Variants in KCNU1 observed in about 807,000 individuals in gnomAD.
KCNU1 encodes the protein potassium calcium-activated channel subfamily U member 1, also known as potassium channel subfamily U member 1.
A neutral mutation model predicts 126.8 loss-of-function variants in KCNU1; 93 were observed. The ratio of observed to expected loss-of-function variants is 0.73; its 90% CI spans 0.62 to 0.87. The LOEUF is 0.87. Among genes scored for constraint, KCNU1 ranks in the 40% least tolerant of loss-of-function variants. The probability of loss-of-function intolerance (pLI) is 0.00; values close to 1 mark genes in which losing one functional copy is unlikely to be tolerated. For synonymous variants in KCNU1, 523 were observed against 494.2 expected (o/e 1.06, Z -0.77); for missense variants, 1,330 against 1,367.1 (o/e 0.97, Z 0.43).
chr8:36,805,097 T>C, intron 3 of KCNU1, 98 bp from the exon 4 acceptor site: 1 of 753,078 alleles, frequency 1.3e-6, no homozygotes, highest in Non-Finnish European at 2.2e-6. Flanking sequence ...TCATGGTGAA[T>C]AAAGAAAAAT....
In KCNU1 at chr8:36,835,192, C is replaced by T. The variant is rs139774468; in HGVS notation, c.1295+324C>T. On this transcript the variant is annotated intron_variant, in intron 12 of 26. Transcript: ENST00000399881. ...AGATAGAACCATTATAACTAATATC[C>T]TCTCCTCAAAAATGAAGATGCAATT... is the stretch of plus-strand genomic sequence containing the variant. 4.3e-3 allele frequency among the ~76,000 whole-genome samples: 653 copies of T among 152,198 alleles called. 7 individuals carry two copies. Among genetic ancestry groups the T allele is most frequent in the African/African-American group, 0.015 (615 of 41,520 alleles).
intron 21 of KCNU1, among the ~76,000 whole-genome samples, chr8:36,910,717 G>A (rs539045499): frequency 3.5e-4 from 53 of 152,146 alleles, no homozygotes; most frequent in Admixed American, 3.1e-3. Flanking sequence ...TTGCTTTCAG[G>A]AAAGAATCTA....
intron 19 of KCNU1, among the ~76,000 whole-genome samples, chr8:36,879,211 G>GTGTATATATATA (rs541223094): frequency 5.5e-4 from 56 of 101,754 alleles, no homozygotes; most frequent in African/African-American, 1.5e-3. Flanking sequence ...GTGTGTGTGT[G>GTGTATATATATA]TATATATATA....
intron 19 of KCNU1, among the ~76,000 whole-genome samples, chr8:36,865,773 C>CAAAAAAAAAAA: frequency 1.6e-5 from 1 of 61,384 alleles, no homozygotes; most frequent in Non-Finnish European, 2.7e-5. Context: ...AAGAGCTTGT[C>CAAAAAAAAAAA]AAAAAAAAAA....
intron 1 of KCNU1, among the ~76,000 whole-genome samples, chr8:36,784,814 A>G (rs1343015135): frequency 6.6e-6 from 1 of 152,176 alleles, no homozygotes; most frequent in Non-Finnish European, 1.5e-5. Flanking sequence ...TCTCTCTCCC[A>G]TCACTGGAAA....
At position 36,912,521 on chromosome 8, in the gene KCNU1, T is replaced by G. The variant is rs140384088; in HGVS notation, c.2521+1402T>G. ...CCTACCTCTGCTGAGCAAATCTGAA[T>G]ATTCATAAAAGTGCTGTTTTGTTCT... On this transcript the variant is annotated intron_variant, in intron 22 of 26. Coordinates refer to ENST00000399881, the MANE Select transcript of KCNU1 (RefSeq NM_001031836.3). 6.7e-4 allele frequency among the ~76,000 whole-genome samples: 102 copies of G among 152,178 alleles called. 1 individual carries two copies. The highest frequency in any genetic ancestry group is 2.2e-3 in the African/African-American group (92 of 41,524).
rs769372770 is a variant in KCNU1, at chr8:36,841,051, TTTTTTC to T, written c.1703+49_1703+54del. 48 of 1,266,916 alleles carry T rather than the reference TTTTTTC, an allele frequency of 3.8e-5. No individual in the cohort carries two copies. The East Asian group carries it at 7.7e-4, about 20-fold the overall frequency. The allele number at this position is 1,266,916 out of a possible 1,614,324, so 78.5% of individuals were successfully genotyped here. On this transcript the variant is annotated intron_variant, in intron 16 of 26. Coordinates refer to ENST00000399881, the MANE Select transcript of KCNU1 (RefSeq NM_001031836.3). Reference sequence around the variant, plus strand: ...CTTCAGTTGTTTTTTTTTTTTTTTTTTTTTTCCTGGAGATTCTTTGTGATTAAGAAT... The same window carrying T: ...CTTCAGTTGTTTTTTTTTTTTTTTTTCTGGAGATTCTTTGTGATTAAGAAT...
chr8:36,909,368 G>A lies in KCNU1; in HGVS notation c.2164G>A (p.Gly722Arg). Residue 722 changes from glycine to arginine, a missense_variant, in exon 21 of 27, where the codon GGA becomes AGA. Transcript: ENST00000399881. ...FRNHIVACVF[G>R]DAHSAPMGLR... ...GAACCATATTGTAGCATGTGTATTT[G>A]GAGATGCCCACTCAGCCCCGATGGG... The A allele has an allele frequency of 6.2e-7, 1 of 1,613,688 alleles. No homozygotes were observed. Among genetic ancestry groups the A allele is most frequent in the Non-Finnish European group, 8.5e-7 (1 of 1,179,638 alleles).
At chr8:36,814,528 A>G (rs1469295036) in intron 8 of KCNU1, 151 bp downstream of exon 8, 5 of 604,050 alleles carry the variant, frequency 8.3e-6, no homozygotes, top group South Asian at 2.3e-5. Context: ...CACAGATCCC[A>G]TGTTTTCCAA....
chr8:36,870,652 T>C (rs936638674), intron 19 of KCNU1, among the ~76,000 whole-genome samples: 3 of 152,230 alleles, frequency 2.0e-5, no homozygotes, highest in Admixed American at 6.5e-5. Context: ...TGAGATTATC[T>C]GAGCAATTCC....
At chr8:36,913,824 A>G (rs1344186545) in intron 22 of KCNU1, among the ~76,000 whole-genome samples, 2 of 152,016 alleles carry the variant, frequency 1.3e-5, no homozygotes, top group South Asian at 2.1e-4. Context: ...GATAGTCTCG[A>G]TCTCCTGACC....
Position 36,796,410 on chromosome 8 carries a change from T to G in KCNU1, c.316-7617T>G, listed in dbSNP as rs111349230. On this transcript the variant is annotated intron_variant, in intron 2 of 26. Transcript: ENST00000399881. Reference sequence around the variant, plus strand: ...CTAATTATGTTATATGTGTTTTCCATATCCTTAATTATTTGCTGAATGATT... The same window carrying G: ...CTAATTATGTTATATGTGTTTTCCAGATCCTTAATTATTTGCTGAATGATT... Among the ~76,000 whole-genome samples, 554 of 152,346 alleles carry G rather than the reference T, an allele frequency of 3.6e-3. 2 individuals are homozygous for G. Among genetic ancestry groups the G allele is most frequent in the Non-Finnish European group, 5.7e-3 (385 of 68,034 alleles).
At chr8:36,839,440 T>C (rs1279648302) in intron 14 of KCNU1, among the ~76,000 whole-genome samples, 1 of 152,190 alleles carries the variant, frequency 6.6e-6, no homozygotes, top group Non-Finnish European at 1.5e-5. Context: ...AAATTAGTGG[T>C]ATGAACCACC....
At position 36,931,164 on chromosome 8, in the gene KCNU1, G is replaced by T; in HGVS notation, c.2931+19G>T. ...CGTTAATGTGAGTCTACTCTTCTCA[G>T]AATTCAGTTTTTCACTTCTTTACCT... On this transcript the variant is annotated intron_variant, in intron 25 of 26. Transcript: ENST00000399881. 1 of 1,571,028 alleles carries T rather than the reference G, an allele frequency of 6.4e-7. No homozygotes were observed. The highest frequency in any genetic ancestry group is 8.6e-7 in the Non-Finnish European group (1 of 1,156,776).
intron 1 of KCNU1, 147 bp downstream of exon 1, chr8:36,784,752 AG>A: frequency 1.5e-6 from 1 of 653,120 alleles, no homozygotes; most frequent in South Asian, 2.0e-5. Context: ...AAGGGTGGTA[AG>A]CCAGACCTCA....
chr8:36,911,349 C>T (rs376958865), intron 22 of KCNU1, among the ~76,000 whole-genome samples: 77 of 152,076 alleles, frequency 5.1e-4, no homozygotes, highest in Non-Finnish European at 9.7e-4. Context: ...ATGCACTTAA[C>T]GCAGTTTTTT....
At chr8:36,886,037 A>G (rs1806688474) in intron 19 of KCNU1, among the ~76,000 whole-genome samples, 1 of 152,146 alleles carries the variant, frequency 6.6e-6, no homozygotes, top group Non-Finnish European at 1.5e-5. Context: ...CAATCATATA[A>G]TCTTCCCGTA....
At chr8:36,813,107 T>A (rs1216605261) in intron 7 of KCNU1, among the ~76,000 whole-genome samples, 1 of 152,176 alleles carries the variant, frequency 6.6e-6, no homozygotes, top group Non-Finnish European at 1.5e-5. Context: ...CAGAAGTCAG[T>A]GACTTTGCAA....
At chr8:36,893,504 G>A (rs771512713) in intron 19 of KCNU1, among the ~76,000 whole-genome samples, 11 of 151,922 alleles carry the variant, frequency 7.2e-5, no homozygotes, top group Non-Finnish European at 1.5e-4. Context: ...AGCTCAAATA[G>A]TAACATATTC....
Sources: gnomAD v4.1 joint callset for allele counts (sites outside exome capture counted in the v4.1 genomes callset) on GRCh38, gnomAD v4.1.1 for gene constraint, MANE v1.5 for transcripts, NCBI Gene and HGNC (gene_info 2026-07-23, HGNC 2026-07-21) for gene names.